The following HIVEP3 variants were observed in gnomAD, a reference collection of about 807,000 sequenced individuals.
The protein encoded by HIVEP3 is HIVEP zinc finger 3.
HIVEP3 carries 49 observed loss-of-function variants against 152.8 expected under a neutral mutation model. The ratio of observed to expected loss-of-function variants is 0.32; its 90% confidence interval spans 0.26 to 0.41. The LOEUF (loss-of-function observed/expected upper bound fraction) is 0.41. HIVEP3 is among the 10% of genes least tolerant of loss of function. The pLI, the probability that HIVEP3 is intolerant of heterozygous loss-of-function variation, is 1.00. For missense variants in HIVEP3, 2,790 were observed against 3,103.3 expected, an observed-to-expected ratio of 0.90 and a Z score of 2.40; for synonymous variants, 1,269 against 1,289.0, an observed-to-expected ratio of 0.98 and a Z score of 0.33.
At chr1:41,786,751 TTTC>T (rs1318010522) in intron 1 of HIVEP3, among the ~76,000 whole-genome samples, 2 of 141,222 alleles carry the variant, frequency 1.4e-5, no homozygotes, top group African/African-American at 6.3e-5. Flanking sequence ...TGTAATTTTC[TTTC>T]TTTTTTTTTT....
At chr1:41,545,331 A>G (rs1643734689) in intron 5 of HIVEP3, among the ~76,000 whole-genome samples, 1 of 142,000 alleles carries the variant, frequency 7.0e-6, no homozygotes, top group African/African-American at 2.7e-5. Flanking sequence ...CGCCACCATC[A>G]CCACTATCAC....
chr1:42,022,043 TG>T (rs1458260573), intron 1 of HIVEP3, among the ~76,000 whole-genome samples: 1 of 152,200 alleles, frequency 6.6e-6, no homozygotes, highest in Non-Finnish European at 1.5e-5. Flanking sequence ...GCAACAGGGC[TG>T]GGGCCCCACA....
chr1:41,832,683 T>C (rs772500358), intron 1 of HIVEP3, among the ~76,000 whole-genome samples: 11 of 152,236 alleles, frequency 7.2e-5, no homozygotes, highest in Non-Finnish European at 1.3e-4. Context: ...TGGCACATAG[T>C]AGATATTTAG....
intron 1 of HIVEP3, among the ~76,000 whole-genome samples, chr1:41,748,510 T>G (rs1303874712): frequency 6.6e-6 from 1 of 152,124 alleles, no homozygotes; most frequent in East Asian, 1.9e-4. Flanking sequence ...AACAGAGACT[T>G]TAGAGTAACA....
chr1:42,001,294 G>A (rs989668167), intron 1 of HIVEP3, among the ~76,000 whole-genome samples: 4 of 152,326 alleles, frequency 2.6e-5, no homozygotes, highest in Middle Eastern at 3.4e-3. Flanking sequence ...AAGTCTGTCC[G>A]CGTAGCCCCA....
chr1:41,673,910 C>G (rs1286718134), intron 2 of HIVEP3, among the ~76,000 whole-genome samples: 1 of 152,212 alleles, frequency 6.6e-6, no homozygotes, highest in African/African-American at 2.4e-5. Flanking sequence ...TGGGACCTCC[C>G]TGAACCCCCA....
chr1:41,689,000 C>T (rs986754820), intron 2 of HIVEP3, among the ~76,000 whole-genome samples: 7 of 152,298 alleles, frequency 4.6e-5, no homozygotes, highest in African/African-American at 1.4e-4. Context: ...AACCTCAGCA[C>T]TTAGGACACT....
intron 1 of HIVEP3, among the ~76,000 whole-genome samples, chr1:41,897,447 A>G (rs1644547267): frequency 6.6e-6 from 1 of 152,170 alleles, no homozygotes; most frequent in Non-Finnish European, 1.5e-5. Context: ...GGTTGAAGAA[A>G]GCGTCCCTAC....
intron 1 of HIVEP3, among the ~76,000 whole-genome samples, chr1:41,789,005 G>A (rs544283349): frequency 1.5e-4 from 23 of 152,156 alleles, no homozygotes; most frequent in Non-Finnish European, 2.4e-4. Flanking sequence ...CTGGCTCCTC[G>A]TCCCTCTAGG....
At chr1:41,623,111 C>G (rs1445223243) in intron 3 of HIVEP3, among the ~76,000 whole-genome samples, 2 of 152,184 alleles carry the variant, frequency 1.3e-5, no homozygotes, top group Admixed American at 6.5e-5. Context: ...CAGTGTCAAG[C>G]ATGTTTTTGG....
intron 1 of HIVEP3, among the ~76,000 whole-genome samples, chr1:41,894,025 A>C (rs1191972300): frequency 6.6e-6 from 1 of 151,716 alleles, no homozygotes; most frequent in East Asian, 1.9e-4. Context: ...GGTTCAAGTG[A>C]TTCTCCTGCC....
intron 1 of HIVEP3, among the ~76,000 whole-genome samples, chr1:41,939,376 A>G (rs1423695138): frequency 6.6e-6 from 1 of 152,214 alleles, no homozygotes; most frequent in Non-Finnish European, 1.5e-5. Context: ...CTTAGAATTT[A>G]AAGATGTGGT....
At chr1:41,793,396 T>C (rs1420500445) in intron 1 of HIVEP3, among the ~76,000 whole-genome samples, 1 of 152,154 alleles carries the variant, frequency 6.6e-6, no homozygotes, top group Non-Finnish European at 1.5e-5. Context: ...TTCTTGGAGC[T>C]CAGCTTCCTA....
chr1:41,519,119 G>A (rs1239594024), intron 6 of HIVEP3, among the ~76,000 whole-genome samples: 1 of 152,204 alleles, frequency 6.6e-6, no homozygotes, highest in Non-Finnish European at 1.5e-5. Flanking sequence ...AAGGCTGGGG[G>A]CCCAAGCTTG....
intron 5 of HIVEP3, among the ~76,000 whole-genome samples, chr1:41,550,480 A>T (rs1017070419): frequency 2.6e-5 from 4 of 152,158 alleles, no homozygotes; most frequent in Admixed American, 2.0e-4. Flanking sequence ...CATTTTCACA[A>T]TATTGATTCT....
At chr1:41,527,239 C>T (rs1642996958) in intron 5 of HIVEP3, among the ~76,000 whole-genome samples, 1 of 112,272 alleles carries the variant, frequency 8.9e-6, no homozygotes, top group Admixed American at 8.5e-5. Flanking sequence ...CTCACACACT[C>T]ACCTCACACA....
chr1:41,515,013 G>A (rs1642564627), intron 7 of HIVEP3, among the ~76,000 whole-genome samples: 1 of 152,208 alleles, frequency 6.6e-6, no homozygotes, highest in Non-Finnish European at 1.5e-5. Context: ...ATGCTGGGGA[G>A]AGCTCCGCTA....
chr1:41,744,512 T>C (rs1647042786), intron 1 of HIVEP3, among the ~76,000 whole-genome samples: 1 of 152,228 alleles, frequency 6.6e-6, no homozygotes. Flanking sequence ...GGAGTTTATG[T>C]CAAATGGGGT....
intron 1 of HIVEP3, among the ~76,000 whole-genome samples, chr1:41,931,214 A>AT (rs112383259): frequency 1.3e-5 from 2 of 151,640 alleles, no homozygotes; most frequent in East Asian, 1.9e-4. Flanking sequence ...TTCTCCTGTG[A>AT]TTTTTTTTCT....
Sources: allele counts gnomAD v4.1 joint callset (sites outside exome capture counted in the v4.1 genomes callset), GRCh38; gene constraint gnomAD v4.1.1; transcripts MANE v1.5; gene names NCBI Gene and HGNC (gene_info 2026-07-23, HGNC 2026-07-21).